Variants in FAM135B observed in about 807,000 individuals in gnomAD.
The protein encoded by FAM135B is protein FAM135B.
FAM135B carries 43 observed loss-of-function variants against 127.7 expected under a neutral mutation model. The ratio of observed to expected loss-of-function variants is 0.34; its 90% CI spans 0.26 to 0.43. The LOEUF is 0.43. FAM135B is among the 20% of genes least tolerant of loss of function. FAM135B has a pLI of 1.00. For missense variants in FAM135B, 1,558 were observed against 1,725.6 expected, an observed-to-expected ratio of 0.90 and a Z score of 1.72; for synonymous variants, 670 against 665.1, an observed-to-expected ratio of 1.01 and a Z score of -0.11.
intron 1 of FAM135B, among the ~76,000 whole-genome samples, chr8:138,444,165 C>T (rs1044375600): frequency 6.6e-6 from 1 of 151,962 alleles, no homozygotes; most frequent in Non-Finnish European, 1.5e-5. Context: ...TCCTTAGAGA[C>T]CTACAAAGAG....
intron 3 of FAM135B, among the ~76,000 whole-genome samples, chr8:138,303,621 C>T (rs1826039499): frequency 6.6e-6 from 1 of 152,052 alleles, no homozygotes; most frequent in South Asian, 2.1e-4. Context: ...AAGAAGTAGC[C>T]ACTATGCTAA....
chr8:138,428,388 A>G (rs999610417), intron 1 of FAM135B, among the ~76,000 whole-genome samples: 2 of 152,104 alleles, frequency 1.3e-5, no homozygotes, highest in African/African-American at 2.4e-5. Context: ...AGAATGATAG[A>G]TCCAGACATC....
intron 1 of FAM135B, among the ~76,000 whole-genome samples, chr8:138,403,914 T>G (rs1833299801): frequency 6.6e-6 from 1 of 152,144 alleles, no homozygotes; most frequent in Non-Finnish European, 1.5e-5. Flanking sequence ...CCATCAGCAT[T>G]TAGTGTGTAG....
chr8:138,471,272 G>C (rs996675199), intron 1 of FAM135B, among the ~76,000 whole-genome samples: 4 of 147,408 alleles, frequency 2.7e-5, no homozygotes, highest in Non-Finnish European at 6.0e-5. Context: ...GGGTTCCTAG[G>C]GAAAGGTGAG....
chr8:138,221,317 AC>A (rs1819008629), intron 7 of FAM135B, among the ~76,000 whole-genome samples: 2 of 152,084 alleles, frequency 1.3e-5, no homozygotes, highest in Admixed American at 1.3e-4. Context: ...GAAGTGTCAC[AC>A]GCTTTCAAAC....
rs76909063 is a variant in FAM135B at position 138,283,893 on chromosome 8, C to T, written c.158-18051G>A. Among the ~76,000 whole-genome samples, 425 of 151,796 alleles carry T rather than the reference C, an allele frequency of 2.8e-3. 3 individuals are homozygous for T. Among genetic ancestry groups the T allele is most frequent in the African/African-American group, 9.6e-3 (397 of 41,372 alleles). On this transcript the variant is annotated intron_variant, in intron 3 of 19. Transcript: ENST00000395297. ...TCTGGGTCCACAGGGAAGGGAAATG[C>T]CATTCCAAGCAGAGGGAACAGCATG...
chr8:138,211,103 C>T (rs1818108265), intron 7 of FAM135B, among the ~76,000 whole-genome samples: 1 of 152,186 alleles, frequency 6.6e-6, no homozygotes, highest in Admixed American at 6.5e-5. Context: ...TCTCTCTTGG[C>T]TCCTGCAGAA....
In FAM135B at chr8:138,368,098, C is replaced by G. The variant is rs966370762; in HGVS notation, c.-19-96G>C. ...CAGGAAACCAATCTGACCAACAGGA[C>G]CAACAGGAGTAGCGTGTGTCCACTG... On this transcript the variant is annotated intron_variant, in intron 1 of 19. Coordinates refer to ENST00000395297, the MANE Select transcript of FAM135B (RefSeq NM_015912.4). 3 of 793,166 alleles carry G rather than the reference C, an allele frequency of 3.8e-6. No homozygotes were observed. In the African/African-American group the frequency reaches 5.1e-5, roughly 14 times the overall value. 49.1% of individuals were successfully genotyped at this position (793,166 alleles called of 1,614,324 possible).
intron 1 of FAM135B, among the ~76,000 whole-genome samples, chr8:138,434,669 C>A (rs757977507): frequency 3.3e-5 from 5 of 152,200 alleles, no homozygotes; most frequent in Non-Finnish European, 7.3e-5. Context: ...CTTCCCAAGA[C>A]GGCCTTGTCA....
At chr8:138,193,792 C>T (rs961010248) in intron 9 of FAM135B, among the ~76,000 whole-genome samples, 4 of 152,190 alleles carry the variant, frequency 2.6e-5, no homozygotes, top group South Asian at 4.1e-4. Flanking sequence ...CCCCTCAGAA[C>T]AAACCTACTA....
intron 1 of FAM135B, among the ~76,000 whole-genome samples, chr8:138,384,238 C>A (rs1053065324): frequency 6.6e-6 from 1 of 152,162 alleles, no homozygotes. Flanking sequence ...CCGGGCCTAC[C>A]CAAAGTGACT....
intron 1 of FAM135B, among the ~76,000 whole-genome samples, chr8:138,436,400 T>A (rs1286118297): frequency 6.6e-6 from 1 of 152,170 alleles, no homozygotes; most frequent in Non-Finnish European, 1.5e-5. Context: ...TCATATGATG[T>A]GGAAAGGTGG....
chr8:138,249,541 T>C (rs567726477), intron 6 of FAM135B, among the ~76,000 whole-genome samples: 1 of 152,204 alleles, frequency 6.6e-6, no homozygotes, highest in South Asian at 2.1e-4. Context: ...AAATACCCAT[T>C]GAATGAAAGA....
chr8:138,380,401 C>T (rs1478738650), intron 1 of FAM135B, among the ~76,000 whole-genome samples: 1 of 152,008 alleles, frequency 6.6e-6, no homozygotes, highest in Non-Finnish European at 1.5e-5. Flanking sequence ...GCCATGTTGG[C>T]CAGGCTGGTC....
At chr8:138,190,069 G>A (rs913014088) in intron 9 of FAM135B, among the ~76,000 whole-genome samples, 7 of 152,026 alleles carry the variant, frequency 4.6e-5, no homozygotes, top group Non-Finnish European at 7.4e-5. Flanking sequence ...CGTCTGCTCC[G>A]CTGCCTGTGG....
intron 7 of FAM135B, among the ~76,000 whole-genome samples, chr8:138,235,079 G>T (rs1028841085): frequency 6.6e-5 from 10 of 152,040 alleles, no homozygotes; most frequent in Non-Finnish European, 1.3e-4. Flanking sequence ...ACTTTCCTTT[G>T]GTCCTTAAAA....
rs566454702 is a variant in FAM135B, at chr8:138,344,113, C to T, written c.77+23794G>A. Among the ~76,000 whole-genome samples, 6 of 152,272 alleles carry T rather than the reference C, an allele frequency of 3.9e-5. No homozygotes were observed. In the East Asian group the frequency reaches 5.8e-4, roughly 15 times the overall value. ...AGAGAGGACAGTGGCTTAGACTGGACGGCAGCAGTGAAGATGCTGAGAAGA... is the reference window on the plus strand; with the variant it reads ...AGAGAGGACAGTGGCTTAGACTGGATGGCAGCAGTGAAGATGCTGAGAAGA... On this transcript the variant is annotated intron_variant, in intron 2 of 19. Coordinates refer to ENST00000395297, the MANE Select transcript of FAM135B (RefSeq NM_015912.4).
rs1420481700 is a variant in FAM135B at position 138,141,666 on chromosome 8, C to G, written c.3639-317G>C. On this transcript the variant is annotated intron_variant, in intron 16 of 19. Transcript: ENST00000395297. The surrounding 1 kb of genome is among the most constrained non-coding windows in gnomAD (Gnocchi z 4.7). ...GGAAGGGAAGGTCCTTCCTGAAATG[C>G]ACCTCTGAGCATTGAAATCTCCTGG... 1.3e-5 allele frequency among the ~76,000 whole-genome samples: 2 copies of G among 152,144 alleles called. No individual in the cohort carries two copies. The highest frequency in any genetic ancestry group is 4.8e-5 in the African/African-American group (2 of 41,430).
chr8:138,177,737 G>C (rs1045022988), intron 10 of FAM135B, among the ~76,000 whole-genome samples: 5 of 152,094 alleles, frequency 3.3e-5, no homozygotes, highest in Admixed American at 6.5e-5. Context: ...CTGTGAACAG[G>C]GTCCATAAAT....
Sources: gnomAD v4.1 joint callset for allele counts (sites outside exome capture counted in the v4.1 genomes callset) on GRCh38, gnomAD v4.1.1 for gene constraint, Gnocchi (gnomAD v3.1) non-coding constraint, MANE v1.5 for transcripts, NCBI Gene and HGNC (gene_info 2026-07-23, HGNC 2026-07-21) for gene names.